Variants in MSH6 observed in about 807,000 individuals in gnomAD.
The protein encoded by MSH6 is mutS homolog 6, also known as DNA mismatch repair protein Msh6.
A neutral mutation model predicts 119.1 loss-of-function variants in MSH6; 85 were observed. The ratio of observed to expected loss-of-function variants is 0.71; its 90% CI spans 0.60 to 0.85. The LOEUF is 0.85. Ranked by LOEUF, MSH6 falls within the 40% of genes least tolerant of loss-of-function variation. The probability of loss-of-function intolerance (pLI) is 0.00; values close to 1 mark genes in which losing one functional copy is unlikely to be tolerated. For missense variants in MSH6, 2,163 were observed against 1,655.3 expected, an observed-to-expected ratio of 1.31 and a Z score of -5.32; for synonymous variants, 830 against 586.9, an observed-to-expected ratio of 1.41 and a Z score of -5.99.
chr2:47,784,003 G>A lies in MSH6; in HGVS notation c.260+510G>A. ...AAGGAGGTTCCTCGGCCGGCGCGGA[G>A]ATAGTGAGTTGGGGCTCCAGTAGTC... On this transcript the variant is annotated intron_variant, in intron 1 of 9. Coordinates refer to ENST00000234420, the MANE Select transcript of MSH6 (RefSeq NM_000179.3). 6 of 1,029,004 alleles carry A rather than the reference G, an allele frequency of 5.8e-6. No individual in the cohort carries two copies. In the South Asian group the frequency reaches 2.3e-4, roughly 40 times the overall value. The allele number at this position is 1,029,004 out of a possible 1,614,324, so 63.7% of individuals were successfully genotyped here.
rs1463214972 is a variant in MSH6, at chr2:47,800,311, A to G, written c.2328A>G (p.Gln776=). 6.2e-7 allele frequency: 1 copy of G among 1,614,172 alleles called. No individual in the cohort carries two copies. Among genetic ancestry groups the G allele is most frequent in the South Asian group, 1.1e-5 (1 of 91,076 alleles). The change falls in exon 4 of 10, where the codon CAA becomes CAG. Residue 776 remains glutamine (Q), a synonymous_variant. Coordinates refer to ENST00000234420, the MANE Select transcript of MSH6 (RefSeq NM_000179.3). ...CTTTTGGTAAGCGGCTCCTAAAGCA[A>G]TGGCTTTGTGCCCCACTCTGTAACC... ...HTPFGKRLLK[Q]WLCAPLCNHY...
rs772191770 is a variant in MSH6 at position 47,801,037 on chromosome 2, C to A, written c.3054C>A (p.Leu1018=). The A allele has an allele frequency of 6.3e-7, 1 of 1,591,128 alleles. No homozygotes were observed. Among genetic ancestry groups the A allele is most frequent in the Non-Finnish European group, 8.6e-7 (1 of 1,169,040 alleles). The stretch of plus-strand genomic sequence containing the variant: ...CTATTGAAAAGAAGTTGGCTAATCT[C>A]ATAAATGCTGAAGAACGGAGGGATG... ...TKTIEKKLAN[L]INAEERRDVS... is the part of the protein sequence containing the mutation. Residue 1018 remains leucine (L), a synonymous_variant, in exon 4 of 10, where the codon CTC becomes CTA. Transcript: ENST00000234420.
Position 47,800,934 on chromosome 2 carries a change from A to C in MSH6, c.2951A>C (p.Asn984Thr), listed in dbSNP as rs587779927. 2 of 1,577,240 alleles carry C rather than the reference A, an allele frequency of 1.3e-6. No individual in the cohort carries two copies. Among genetic ancestry groups the C allele is most frequent in the Non-Finnish European group, 1.7e-6 (2 of 1,163,194 alleles). ...RNRYQLEIPENFTTRNLPEEY... is the reference protein window; with the variant it reads ...RNRYQLEIPETFTTRNLPEEY... ...CGTTACCAGCTGGAAATTCCTGAGA[A>C]TTTCACCACTCGCAATTTGCCAGAA... Residue 984 changes from asparagine (N) to threonine (T), a missense_variant, in exon 4 of 10, where the codon AAT (asparagine) becomes ACT (threonine). Transcript: ENST00000234420.
Position 47,791,209 on chromosome 2 carries a change from A to G in MSH6, c.457+86A>G, listed in dbSNP as rs564570497. ...CAGACAGACAGGCAGACTTTTTTCTATATGATGAAATTAAGTGTATTTTAC... is the reference window on the plus strand; with the variant it reads ...CAGACAGACAGGCAGACTTTTTTCTGTATGATGAAATTAAGTGTATTTTAC... On this transcript the variant is annotated intron_variant, in intron 2 of 9. Transcript: ENST00000234420. 154 of 1,280,904 alleles carry G rather than the reference A, an allele frequency of 1.2e-4. 1 individual carries two copies. Among genetic ancestry groups the G allele is most frequent in the South Asian group, 9.9e-4 (81 of 81,498 alleles). 79.3% of individuals were successfully genotyped at this position (1,280,904 alleles called of 1,614,324 possible).
chr2:47,792,609 CT>C (rs1668805469), intron 2 of MSH6, among the ~76,000 whole-genome samples: 1 of 152,176 alleles, frequency 6.6e-6, no homozygotes, highest in Non-Finnish European at 1.5e-5. Flanking sequence ...CCACTTCGGC[CT>C]CCCAAAGTGC....
chr2:47,796,165 T>A, intron 3 of MSH6, 102 bp downstream of exon 3: 1 of 1,179,534 alleles, frequency 8.5e-7, no homozygotes, highest in East Asian at 2.5e-5. Flanking sequence ...TATGTGTGTG[T>A]ATATGTATTA....
chr2:47,800,254 C>G lies in MSH6; in HGVS notation c.2271C>G (p.Thr757=), dbSNP rs142172006. 1 of 1,614,012 alleles carries G rather than the reference C, an allele frequency of 6.2e-7. No homozygotes were observed. The highest frequency in any genetic ancestry group is 8.5e-7 in the Non-Finnish European group (1 of 1,179,990). ...GAACAAATGGTTCTACTGAAGGAACCCTACTAGAGAGGGTTGATACTTGCC... is the reference window on the plus strand; with the variant it reads ...GAACAAATGGTTCTACTGAAGGAACGCTACTAGAGAGGGTTGATACTTGCC... ...LNGTNGSTEG[T]LLERVDTCHT... is the part of the protein sequence containing the mutation. The change falls in exon 4 of 10, where the codon ACC becomes ACG. Residue 757 remains threonine, a synonymous_variant. Coordinates refer to ENST00000234420, the MANE Select transcript of MSH6 (RefSeq NM_000179.3).
downstream of MSH6, chr2:47,808,122 T>A: frequency 6.2e-7 from 1 of 1,606,694 alleles, no homozygotes; most frequent in African/African-American, 1.3e-5. Flanking sequence ...AGGAATTCAG[T>A]TGTGCTGCAA....
At chr2:47,788,221 A>G (rs1314985607) in intron 1 of MSH6, among the ~76,000 whole-genome samples, 3 of 96,952 alleles carry the variant, frequency 3.1e-5, no homozygotes, top group Admixed American at 1.0e-4. Context: ...GCTTACTGCT[A>G]TTTCTTTTCT....
chr2:47,785,791 G>A (rs530942108), intron 1 of MSH6, among the ~76,000 whole-genome samples: 9 of 152,238 alleles, frequency 5.9e-5, no homozygotes, highest in Non-Finnish European at 1.0e-4. Context: ...CCAAACGGGT[G>A]TATTTATTGT....
intron 2 of MSH6, 35 bp from the exon 3 acceptor site, chr2:47,795,859 C>A (rs1306278167): frequency 1.3e-6 from 2 of 1,598,184 alleles, no homozygotes; most frequent in South Asian, 1.1e-5. Flanking sequence ...CCTCTGCACC[C>A]GGCCCTTATT....
chr2:47,805,360 T>C (rs1248936679), intron 6 of MSH6, among the ~76,000 whole-genome samples: 1 of 152,184 alleles, frequency 6.6e-6, no homozygotes, highest in Non-Finnish European at 1.5e-5. Flanking sequence ...TTTGTATTTT[T>C]AGTAGAAGCG....
At chr2:47,796,794 C>T (rs1361305542) in intron 3 of MSH6, among the ~76,000 whole-genome samples, 1 of 152,056 alleles carries the variant, frequency 6.6e-6, no homozygotes, top group Non-Finnish European at 1.5e-5. Flanking sequence ...AACCCTGTTT[C>T]TATAAAAAAT....
intron 3 of MSH6, 37 bp from the exon 4 acceptor site, chr2:47,798,574 T>C: frequency 6.2e-7 from 1 of 1,600,966 alleles, no homozygotes; most frequent in Non-Finnish European, 8.5e-7. Context: ...TTTCCAAATT[T>C]TGATTTGTTT....
chr2:47,783,178 G>A lies in MSH6; in HGVS notation c.-56G>A, dbSNP rs886056139. On this transcript the variant is annotated 5_prime_UTR_variant, in exon 1 of 10. An upstream start codon of the reference 5' UTR is lost. Coordinates refer to ENST00000234420, the MANE Select transcript of MSH6 (RefSeq NM_000179.3). ...CGCCAGCAGGAGCCGCGCGGTAGAT[G>A]CGGTGCTTTTAGGAGCTCCGTCCGA... The A allele has an allele frequency of 1.2e-6, 2 of 1,603,076 alleles. No individual in the cohort carries two copies. The highest frequency in any genetic ancestry group is 3.4e-5 in the Admixed American group (2 of 59,198).
At chr2:47,790,252 ACT>A (rs1033916386) in intron 1 of MSH6, among the ~76,000 whole-genome samples, 26 of 152,064 alleles carry the variant, frequency 1.7e-4, no homozygotes, top group African/African-American at 6.3e-4. Flanking sequence ...CAAAACCCTG[ACT>A]CTACAAAAAA....
At position 47,796,115 on chromosome 2, in the gene MSH6, G is replaced by T. The variant is rs1177037015; in HGVS notation, c.627+52G>T. On this transcript the variant is annotated intron_variant, in intron 3 of 9. Coordinates refer to ENST00000234420, the MANE Select transcript of MSH6 (RefSeq NM_000179.3). ...TATTTATGTTAGGGTGATGGGGGAA[G>T]AAAGGGGGAGGGTGTATTAACAAGA... 1.9e-6 allele frequency: 3 copies of T among 1,585,818 alleles called. No individual in the cohort carries two copies. The African/African-American group carries it at 4.0e-5, about 21-fold the overall frequency.
chr2:47,801,313 G>T, intron 4 of MSH6, 158 bp downstream of exon 4: 28 of 400,170 alleles, frequency 7.0e-5, no homozygotes, highest in East Asian at 1.4e-4. Context: ...AGCAATTTAA[G>T]TTACTTGAAA....
chr2:47,783,615 G>A (rs1668151826), intron 1 of MSH6, 122 bp downstream of exon 1: 1 of 1,057,626 alleles, frequency 9.5e-7, no homozygotes, highest in Non-Finnish European at 1.3e-6. Context: ...CTCGGAGGAG[G>A]CGGGGCCGCA....
Sources: allele counts gnomAD v4.1 joint callset (sites outside exome capture counted in the v4.1 genomes callset), GRCh38; gene constraint gnomAD v4.1.1; transcripts MANE v1.5; gene names NCBI Gene and HGNC (gene_info 2026-07-23, HGNC 2026-07-21).